NDUFV3: variants seen among roughly 807,000 people sequenced by gnomAD.
NDUFV3 encodes the protein NADH:ubiquinone oxidoreductase subunit V3.
In NDUFV3, 44 loss-of-function variants were observed where a neutral mutation model predicts 37.5. The observed-to-expected ratio is 1.17, with a 90% CI of 0.92 to 1.51. NDUFV3 has a LOEUF of 1.51. Among genes scored for constraint, NDUFV3 ranks in the 40% most tolerant of loss-of-function variants. NDUFV3 has a pLI of 0.00. For missense variants in NDUFV3, 580 were observed against 580.4 expected, an observed-to-expected ratio of 1.00 and a Z score of 0.01; for synonymous variants, 235 against 239.3, an observed-to-expected ratio of 0.98 and a Z score of 0.17.
chr21:42,894,912 TAGTG>T (rs1164841307), intron 1 of NDUFV3, among the ~76,000 whole-genome samples: 2 of 152,178 alleles, frequency 1.3e-5, no homozygotes, highest in African/African-American at 2.4e-5. Context: ...TAATAGGCCT[TAGTG>T]AGTATATGCT....
intron 1 of NDUFV3, among the ~76,000 whole-genome samples, chr21:42,896,172 T>C (rs1601212921): frequency 9.7e-6 from 1 of 103,028 alleles, no homozygotes; most frequent in Non-Finnish European, 2.1e-5. Context: ...TTTTTTTTTT[T>C]TTGCGACAGA....
At chr21:42,906,153 T>C (rs1438223511) in intron 3 of NDUFV3, among the ~76,000 whole-genome samples, 1 of 152,190 alleles carries the variant, frequency 6.6e-6, no homozygotes, top group African/African-American at 2.4e-5. Context: ...CGTGAGCCAC[T>C]GCGCCCAGCT....
chr21:42,895,318 A>C (rs1478107085), intron 1 of NDUFV3, among the ~76,000 whole-genome samples: 4 of 152,150 alleles, frequency 2.6e-5, no homozygotes, highest in Middle Eastern at 3.2e-3. Flanking sequence ...CCCCGTCTCT[A>C]CTAAATACAA....
chr21:42,894,229 C>A (rs2058671090), intron 1 of NDUFV3, among the ~76,000 whole-genome samples: 1 of 138,384 alleles, frequency 7.2e-6, no homozygotes, highest in Non-Finnish European at 1.5e-5. Context: ...AAGGCTAAGA[C>A]CACTTCACTC....
In NDUFV3 at chr21:42,908,476, C is replaced by T. The variant is rs372443104; in HGVS notation, c.1265-388C>T. Among the ~76,000 whole-genome samples the T allele has an allele frequency of 1.4e-4, 22 of 152,102 alleles. 1 individual carries two copies. The South Asian group carries it at 2.1e-3, about 14-fold the overall frequency. On this transcript the variant is annotated intron_variant, in intron 3 of 3. Transcript: ENST00000354250. The stretch of plus-strand genomic sequence containing the variant: ...TCACAGATAGGGTTGATGAAGAACG[C>T]TTGGTAGGTAAGCACCTGTGTGTGA...
At chr21:42,896,226 G>A (rs531669155) in intron 1 of NDUFV3, among the ~76,000 whole-genome samples, 1 of 137,620 alleles carries the variant, frequency 7.3e-6, no homozygotes, top group South Asian at 2.2e-4. Flanking sequence ...GCACGATCTT[G>A]GCTCACTGCA....
chr21:42,910,251 G>A lies in NDUFV3; in HGVS notation c.*1230G>A, dbSNP rs554126849. ...GAGGCAGGAGAATCATTTGAACCTG[G>A]GAGGCGGAGGTTGCAGTGAGCAAGA... On this transcript the variant is annotated 3_prime_UTR_variant, in exon 4 of 4. Coordinates refer to ENST00000354250, the MANE Select transcript of NDUFV3 (RefSeq NM_021075.4). The A allele has an allele frequency of 1.3e-5, 2 of 152,280 alleles. No homozygotes were observed. Among genetic ancestry groups the A allele is most frequent in the African/African-American group, 2.4e-5 (1 of 41,536 alleles). The allele number at this position is 152,280 out of a possible 1,614,324, so 9.4% of individuals were successfully genotyped here.
rs768095807 is a variant in NDUFV3, at chr21:42,903,204, G to C, written c.192G>C (p.Arg64Ser). The C allele has an allele frequency of 3.1e-6, 5 of 1,613,958 alleles. No homozygotes were observed. The highest frequency in any genetic ancestry group is 4.2e-6 in the Non-Finnish European group (5 of 1,180,036). Residue 64 changes from arginine (R) to serine (S), a missense_variant, in exon 3 of 4, where the codon AGG (arginine) becomes AGC (serine). By Grantham distance (110) the Arg-to-Ser change is moderately radical. Transcript: ENST00000354250. ...CAGATGTAGTGGAACCAAAGGAGAG[G>C]GGCAAGCTCCTAGCCACCCAGACAG... Reference protein sequence around the residue: ...PPKNVVEPKERGKLLATQTAA... With the variant: ...PPKNVVEPKESGKLLATQTAA...
chr21:42,897,214 C>G (rs2058696410), intron 2 of NDUFV3, among the ~76,000 whole-genome samples, 167 bp downstream of exon 2: 1 of 152,150 alleles, frequency 6.6e-6, no homozygotes, highest in Non-Finnish European at 1.5e-5. Flanking sequence ...GATTTTAGAC[C>G]AAACATTTCA....
rs1156301581 is a variant in NDUFV3 at position 42,903,441 on chromosome 21, G to C, written c.429G>C (p.Gln143His). ...AGGGCTCTGATTCAGAAGCTCGTCA[G>C]GTGGGTCGGAAAGTGACGTCGCCTT... Reference protein sequence around the residue: ...RKQGSDSEARQVGRKVTSPSS... With the variant: ...RKQGSDSEARHVGRKVTSPSS... The change falls in exon 3 of 4, where the codon CAG becomes CAC. Residue 143 changes from glutamine (Q) to histidine (H), a missense_variant. Gln to His is a conservative substitution (Grantham distance 24). Transcript: ENST00000354250. 3.7e-6 allele frequency: 6 copies of C among 1,614,198 alleles called. No individual in the cohort carries two copies. Among genetic ancestry groups the C allele is most frequent in the Non-Finnish European group, 5.1e-6 (6 of 1,180,044 alleles).
intron 2 of NDUFV3, among the ~76,000 whole-genome samples, chr21:42,897,426 T>TTTTGC (rs2058697457): frequency 6.6e-6 from 1 of 152,092 alleles, no homozygotes; most frequent in African/African-American, 2.4e-5. Context: ...TTTTGTTTTG[T>TTTTGC]TTTGTTTTGT....
intron 2 of NDUFV3, among the ~76,000 whole-genome samples, chr21:42,897,739 C>T (rs1202497006): frequency 6.6e-6 from 1 of 151,326 alleles, no homozygotes; most frequent in Admixed American, 6.6e-5. Flanking sequence ...TGCAGTGGCG[C>T]AATCTCGGCT....
chr21:42,903,710 C>CT lies in NDUFV3; in HGVS notation c.699dup (p.Ala234CysfsTer2). The stretch of plus-strand genomic sequence containing the variant: ...CACCAGCCAAAGAAGAAAGGGTCCC[C>CT]TGCTAAGCCATCAGAAGGCAGGGAA... On this transcript the variant is annotated frameshift_variant, in exon 3 of 4. Coordinates refer to ENST00000354250, the MANE Select transcript of NDUFV3 (RefSeq NM_021075.4). LOFTEE classifies it high-confidence loss of function. 1 of 1,614,184 alleles carries CT rather than the reference C, an allele frequency of 6.2e-7. No homozygotes were observed. Among genetic ancestry groups the CT allele is most frequent in the Non-Finnish European group, 8.5e-7 (1 of 1,180,040 alleles).
At chr21:42,905,466 G>C (rs1302225360) in intron 3 of NDUFV3, among the ~76,000 whole-genome samples, 1 of 152,170 alleles carries the variant, frequency 6.6e-6, no homozygotes, top group African/African-American at 2.4e-5. Context: ...ACACATGTGG[G>C]CTGCTTTACT....
intron 2 of NDUFV3, among the ~76,000 whole-genome samples, chr21:42,898,613 G>A (rs565751526): frequency 2.6e-5 from 4 of 152,142 alleles, no homozygotes; most frequent in Non-Finnish European, 5.9e-5. Flanking sequence ...AGGACTACAG[G>A]TGCACACCAT....
rs757725327 is a variant in NDUFV3, at chr21:42,904,137, A to G, written c.1125A>G (p.Ile375Met). The change falls in exon 3 of 4, where the codon ATA (isoleucine) becomes ATG (methionine). Residue 375 changes from isoleucine to methionine, a missense_variant. Physicochemically the swap from Ile to Met is conservative, Grantham distance 10 (BLOSUM62 1). Coordinates refer to ENST00000354250, the MANE Select transcript of NDUFV3 (RefSeq NM_021075.4). ...KGGQAIVEDQ[I>M]PPSNLETVPV... ...GACAGGCAATCGTGGAAGATCAGATACCACCAAGCAATTTGGAGACAGTTC... is the reference window on the plus strand; with the variant it reads ...GACAGGCAATCGTGGAAGATCAGATGCCACCAAGCAATTTGGAGACAGTTC... The G allele has an allele frequency of 6.8e-6, 11 of 1,614,240 alleles. No homozygotes were observed. The highest frequency in any genetic ancestry group is 1.7e-6 in the Non-Finnish European group (2 of 1,180,036).
At position 42,909,515 on chromosome 21, in the gene NDUFV3, T is replaced by G. The variant is rs11702815; in HGVS notation, c.*494T>G. The G allele has an allele frequency of 0.012, 2,299 of 199,664 alleles. 36 individuals are homozygous for G. The highest frequency in any genetic ancestry group is 0.013 in the Non-Finnish European group (1,203 of 95,690). The allele number at this position is 199,664 out of a possible 1,614,324, so 12.4% of individuals were successfully genotyped here. A position where few individuals can be genotyped will look rare whatever the true frequency, so the allele number is the denominator to read the frequency against. ...ATTATCCAACATATATTTTGGAATA[T>G]CTACTATGTGCAAGGAATTTTTCTT... On this transcript the variant is annotated 3_prime_UTR_variant, in exon 4 of 4. Coordinates refer to ENST00000354250, the MANE Select transcript of NDUFV3 (RefSeq NM_021075.4).
At chr21:42,902,947 T>C (rs2058723000) in intron 2 of NDUFV3, among the ~76,000 whole-genome samples, 1 of 149,384 alleles carries the variant, frequency 6.7e-6, no homozygotes, top group Non-Finnish European at 1.5e-5. Context: ...TGTTGTATTG[T>C]TTAGGGAATA....
rs747506321 is a variant in NDUFV3, at chr21:42,904,046, C to T, written c.1034C>T (p.Ala345Val). The T allele has an allele frequency of 1.5e-5, 25 of 1,614,048 alleles. No individual in the cohort carries two copies. The East Asian group carries it at 3.8e-4, about 24-fold the overall frequency. ...CCCGTGCCAGAGCCCCAGCGCAAGGCGGCCCCTCCCCTGCCCAGAAAGGAA... is the reference window on the plus strand; with the variant it reads ...CCCGTGCCAGAGCCCCAGCGCAAGGTGGCCCCTCCCCTGCCCAGAAAGGAA... ...EKPVPEPQRK[A>V]APPLPRKETS... Residue 345 changes from alanine (A) to valine (V), a missense_variant, in exon 3 of 4, where the codon GCG (alanine) becomes GTG (valine). Physicochemically the swap from Ala to Val is moderately conservative, Grantham distance 64. Coordinates refer to ENST00000354250, the MANE Select transcript of NDUFV3 (RefSeq NM_021075.4).
Sources: allele counts gnomAD v4.1 joint callset (sites outside exome capture counted in the v4.1 genomes callset), GRCh38; gene constraint gnomAD v4.1.1; transcripts MANE v1.5; gene names NCBI Gene and HGNC (gene_info 2026-07-23, HGNC 2026-07-21).